CERS3: variants seen among roughly 807,000 people sequenced by gnomAD.
The protein encoded by CERS3 is LAG1 homolog, ceramide synthase 3.
A neutral mutation model predicts 50.3 loss-of-function variants in CERS3; 33 were observed. The ratio of observed to expected loss-of-function variants is 0.66; its 90% confidence interval spans 0.50 to 0.88. CERS3 has a LOEUF of 0.88. Among genes scored for constraint, CERS3 ranks in the 40% least tolerant of loss-of-function variants. CERS3 has a pLI of 0.00. For synonymous variants in CERS3, 176 were observed against 155.2 expected (o/e 1.13, Z -0.99); for missense variants, 470 against 460.3 (o/e 1.02, Z -0.19).
intron 1 of CERS3, among the ~76,000 whole-genome samples, chr15:100,526,649 T>G (rs1410313088): frequency 2.6e-5 from 4 of 152,162 alleles, no homozygotes; most frequent in African/African-American, 7.2e-5. Flanking sequence ...AGAGGCTGTT[T>G]GAAAGCTGGA....
chr15:100,499,142 A>G (rs973015794), intron 3 of CERS3, among the ~76,000 whole-genome samples: 5 of 152,162 alleles, frequency 3.3e-5, no homozygotes, highest in Non-Finnish European at 4.4e-5. Flanking sequence ...AGTAACAACA[A>G]TAATAAAAAT....
chr15:100,534,520 A>T (rs115864962), intron 1 of CERS3, among the ~76,000 whole-genome samples: 2,196 of 151,216 alleles, frequency 0.015, 56 homozygotes, highest in African/African-American at 0.05. Flanking sequence ...GGGCCCCAAA[A>T]ATCACTAAGC....
At chr15:100,434,056 T>G (rs1474342633) in intron 11 of CERS3, among the ~76,000 whole-genome samples, 1 of 152,170 alleles carries the variant, frequency 6.6e-6, no homozygotes. Context: ...CTATGAGGAG[T>G]GGATCTGGGT....
intron 1 of CERS3, among the ~76,000 whole-genome samples, chr15:100,539,418 A>G (rs903662300): frequency 1.3e-5 from 2 of 152,170 alleles, no homozygotes; most frequent in African/African-American, 4.8e-5. Flanking sequence ...GTAATTCATA[A>G]AGGAAAGTGG....
chr15:100,508,988 C>T (rs2036261590), intron 2 of CERS3, among the ~76,000 whole-genome samples: 1 of 152,090 alleles, frequency 6.6e-6, no homozygotes, highest in Non-Finnish European at 1.5e-5. Flanking sequence ...GCGTTTATTT[C>T]TTTGTACTTT....
At chr15:100,491,274 T>C (rs975440158) in intron 3 of CERS3, among the ~76,000 whole-genome samples, 4 of 152,198 alleles carry the variant, frequency 2.6e-5, no homozygotes, top group Non-Finnish European at 5.9e-5. Context: ...TAGAAAATGT[T>C]TTATTTGGTG....
chr15:100,444,629 C>T (rs1338091148), intron 11 of CERS3, among the ~76,000 whole-genome samples: 2 of 152,164 alleles, frequency 1.3e-5, no homozygotes, highest in Non-Finnish European at 2.9e-5. Flanking sequence ...TCTCAGTGTT[C>T]CATCTGCTAT....
chr15:100,492,519 T>A (rs898790333), intron 3 of CERS3, among the ~76,000 whole-genome samples: 4 of 152,236 alleles, frequency 2.6e-5, no homozygotes, highest in Admixed American at 2.6e-4. Flanking sequence ...TTAGTACAGC[T>A]ACTCCAGTCC....
intron 11 of CERS3, chr15:100,408,622 A>C (rs1414116202): frequency 6.6e-6 from 1 of 152,210 alleles, no homozygotes; most frequent in African/African-American, 2.4e-5. Context: ...TAGATGATGA[A>C]TCAAGCTCAG....
In CERS3 at chr15:100,522,627, T is replaced by A. The variant is rs1489223805; in HGVS notation, c.-91-871A>T. ...ACTGAGATGCATCTATGTTGTTGCA[T>A]GTAACAGTAGCAAACTCATTTTCGT... On this transcript the variant is annotated intron_variant, in intron 1 of 11. Transcript: ENST00000679737. Among the ~76,000 whole-genome samples the A allele has an allele frequency of 2.6e-5, 4 of 152,236 alleles. No homozygotes were observed. In the East Asian group the frequency reaches 7.7e-4, roughly 29 times the overall value.
intron 10 of CERS3, among the ~76,000 whole-genome samples, chr15:100,463,543 G>A (rs1482344067): frequency 2.0e-5 from 3 of 152,102 alleles, no homozygotes; most frequent in Non-Finnish European, 4.4e-5. Flanking sequence ...GTTTGAAGAG[G>A]GGTGATTGTT....
At chr15:100,529,789 A>G (rs925846839), upstream of CERS3, among the ~76,000 whole-genome samples, 5 of 152,234 alleles carry the variant, frequency 3.3e-5, no homozygotes, top group African/African-American at 1.2e-4. Context: ...TCACAAACCA[A>G]ACATCAGCAG....
chr15:100,476,044 T>C (rs1184123367), intron 8 of CERS3, 42 bp downstream of exon 8: 2 of 1,387,646 alleles, frequency 1.4e-6, no homozygotes, highest in African/African-American at 1.5e-5. Flanking sequence ...ATGGCAATTT[T>C]TGAAGAAATT....
intron 1 of CERS3, among the ~76,000 whole-genome samples, chr15:100,528,530 G>T (rs1035519382): frequency 6.6e-6 from 1 of 152,138 alleles, no homozygotes; most frequent in African/African-American, 2.4e-5. Flanking sequence ...TGCAGGTCAG[G>T]AGTGGAAGTT....
intron 10 of CERS3, among the ~76,000 whole-genome samples, chr15:100,466,712 C>T (rs989520489): frequency 4.0e-5 from 6 of 151,672 alleles, no homozygotes; most frequent in African/African-American, 1.5e-4. Context: ...CATCAGCCAG[C>T]TGATTTTCTT....
chr15:100,531,502 C>T (rs1351519108), upstream of CERS3, among the ~76,000 whole-genome samples: 1 of 151,866 alleles, frequency 6.6e-6, no homozygotes, highest in Non-Finnish European at 1.5e-5. Flanking sequence ...ATCTCCACAG[C>T]TCCTCTGAGG....
chr15:100,408,678 A>T (rs2031245387), intron 11 of CERS3: 2 of 152,172 alleles, frequency 1.3e-5, no homozygotes, highest in Admixed American at 1.3e-4. Flanking sequence ...TATTAGATGG[A>T]TGAATAGGAT....
chr15:100,440,248 T>C (rs2142148681), intron 11 of CERS3, among the ~76,000 whole-genome samples: 1 of 152,316 alleles, frequency 6.6e-6, no homozygotes, highest in South Asian at 2.1e-4. Context: ...CACTCAGAGA[T>C]AAGACAACTG....
chr15:100,413,774 A>G (rs1567592989), intron 11 of CERS3, among the ~76,000 whole-genome samples: 1 of 9,520 alleles, frequency 1.1e-4, no homozygotes, highest in Non-Finnish European at 5.9e-4. Context: ...GAAATACAAG[A>G]AAAAAAAAAA....
Sources: allele counts gnomAD v4.1 joint callset (sites outside exome capture counted in the v4.1 genomes callset), GRCh38; gene constraint gnomAD v4.1.1; transcripts MANE v1.5; gene names NCBI Gene and HGNC (gene_info 2026-07-23, HGNC 2026-07-21).